The following RPS6KC1 variants were observed in gnomAD, a reference collection of about 807,000 sequenced individuals.
RPS6KC1 encodes inactive ribosomal protein S6 kinase delta-1.
In RPS6KC1, 54 loss-of-function variants were observed where a neutral mutation model predicts 103.8. The observed-to-expected ratio is 0.52, with a 90% CI of 0.42 to 0.65. RPS6KC1 has a LOEUF of 0.65. RPS6KC1 is among the 30% of genes least tolerant of loss of function. The pLI is 0.00. For synonymous variants in RPS6KC1, 439 were observed against 438.7 expected, an observed-to-expected ratio of 1.00 and a Z score of -0.01; for missense variants, 1,151 against 1,253.8, an observed-to-expected ratio of 0.92 and a Z score of 1.24.
the RPS6KC1 span, among the ~76,000 whole-genome samples, chr1:213,683,643 G>A: frequency 6.6e-6 from 1 of 152,120 alleles, no homozygotes; most frequent in Non-Finnish European, 1.5e-5. Flanking sequence ...AATCAGGGCT[G>A]GTCACACATG....
the RPS6KC1 span, among the ~76,000 whole-genome samples, chr1:213,363,615 TTGCTTGCTTGCTTTCTTTC>T: frequency 2.3e-5 from 2 of 85,418 alleles, no homozygotes; most frequent in South Asian, 9.9e-4. Flanking sequence ...GCTTGCTTGC[TTGCTTGCTTGCTTTCTTTC>T]TTTCTTTCTT....
At chr1:213,387,101 T>G in the RPS6KC1 span, among the ~76,000 whole-genome samples, 1 of 152,172 alleles carries the variant, frequency 6.6e-6, no homozygotes, top group African/African-American at 2.4e-5. Context: ...CACAAAGAGC[T>G]TTCAGCCCAG....
the RPS6KC1 span, among the ~76,000 whole-genome samples, chr1:213,404,904 A>G: frequency 6.6e-6 from 1 of 152,222 alleles, no homozygotes; most frequent in Non-Finnish European, 1.5e-5. Flanking sequence ...CTGTTTCAAC[A>G]AAAACCTCCA....
chr1:213,648,479 GTT>G, the RPS6KC1 span, among the ~76,000 whole-genome samples: 1 of 152,102 alleles, frequency 6.6e-6, no homozygotes, highest in Non-Finnish European at 1.5e-5. Context: ...CCAGTGTCAA[GTT>G]TCCTGGTGAC....
At chr1:213,179,055 T>C (rs1255547411) in intron 8 of RPS6KC1, among the ~76,000 whole-genome samples, 1 of 152,074 alleles carries the variant, frequency 6.6e-6, no homozygotes, top group South Asian at 2.1e-4. Context: ...AATATGTATT[T>C]GGGGAATTAA....
chr1:213,829,898 G>T, the RPS6KC1 span, among the ~76,000 whole-genome samples: 3 of 152,186 alleles, frequency 2.0e-5, no homozygotes, highest in African/African-American at 7.2e-5. Context: ...TTTAAAATGT[G>T]CCTATTAGGA....
chr1:213,462,074 GA>G, the RPS6KC1 span, among the ~76,000 whole-genome samples: 1 of 151,794 alleles, frequency 6.6e-6, no homozygotes, highest in South Asian at 2.1e-4. Flanking sequence ...CAATTTACAA[GA>G]AAAAACCCCA....
the RPS6KC1 span, among the ~76,000 whole-genome samples, chr1:213,318,935 T>C: frequency 6.6e-6 from 1 of 152,178 alleles, no homozygotes; most frequent in Non-Finnish European, 1.5e-5. Flanking sequence ...GTCTGCTTGC[T>C]AATTAGGGAG....
chr1:213,518,206 C>T, the RPS6KC1 span, among the ~76,000 whole-genome samples: 5 of 152,108 alleles, frequency 3.3e-5, no homozygotes, highest in Non-Finnish European at 7.4e-5. Flanking sequence ...TATGATGGCC[C>T]CCTAAAATAT....
At chr1:213,095,508 T>C (rs1313643708) in intron 3 of RPS6KC1, among the ~76,000 whole-genome samples, 1 of 152,180 alleles carries the variant, frequency 6.6e-6, no homozygotes, top group African/African-American at 2.4e-5. Context: ...TAGTGAGTAA[T>C]GAGCTTAGTT....
intron 2 of RPS6KC1, among the ~76,000 whole-genome samples, chr1:213,074,866 T>A (rs1246409435): frequency 7.3e-6 from 1 of 136,228 alleles, no homozygotes; most frequent in African/African-American, 2.7e-5. Context: ...TTTTTTTTTT[T>A]TTTTTTTACG....
intron 1 of RPS6KC1, 43 bp downstream of exon 1, chr1:213,051,552 C>T (rs764210997): frequency 2.8e-6 from 4 of 1,423,162 alleles, no homozygotes; most frequent in Admixed American, 1.8e-5. Flanking sequence ...GGATTGGGAC[C>T]TGAGGATCTG....
chr1:213,235,276 G>A (rs1442999567), intron 10 of RPS6KC1, among the ~76,000 whole-genome samples: 1 of 152,120 alleles, frequency 6.6e-6, no homozygotes, highest in Non-Finnish European at 1.5e-5. Flanking sequence ...AGTGCTTGCT[G>A]GGACACAGAC....
At chr1:213,501,706 G>A in the RPS6KC1 span, among the ~76,000 whole-genome samples, 1 of 146,750 alleles carries the variant, frequency 6.8e-6, no homozygotes, top group Non-Finnish European at 1.5e-5. Context: ...CTGCACCCCA[G>A]CCTGGGCTAC....
chr1:213,464,573 G>T, the RPS6KC1 span, among the ~76,000 whole-genome samples: 1 of 152,026 alleles, frequency 6.6e-6, no homozygotes, highest in African/African-American at 2.4e-5. Flanking sequence ...TAGTTTCTGA[G>T]TGTATCTTCA....
intron 12 of RPS6KC1, among the ~76,000 whole-genome samples, chr1:213,248,609 C>G (rs1201574832): frequency 6.6e-6 from 1 of 152,118 alleles, no homozygotes; most frequent in Non-Finnish European, 1.5e-5. Context: ...CAAGTCTTAC[C>G]TTGTCTAGGC....
intron 12 of RPS6KC1, among the ~76,000 whole-genome samples, chr1:213,257,738 C>T (rs1325877563): frequency 7.0e-6 from 1 of 142,490 alleles, no homozygotes; most frequent in Non-Finnish European, 1.5e-5. Context: ...ACATTCAAAA[C>T]TGATGGCTGA....
At chr1:213,440,461 C>A in the RPS6KC1 span, among the ~76,000 whole-genome samples, 4 of 152,008 alleles carry the variant, frequency 2.6e-5, no homozygotes, top group African/African-American at 9.7e-5. Context: ...TAGGTTTGAA[C>A]TGCAAAATGT....
the RPS6KC1 span, among the ~76,000 whole-genome samples, chr1:213,608,800 T>C: frequency 1.6e-4 from 25 of 152,242 alleles, no homozygotes; most frequent in Non-Finnish European, 3.2e-4. Flanking sequence ...CTAATTAATA[T>C]TGTATTTGTT....
Sources: gnomAD v4.1 joint callset for allele counts (sites outside exome capture counted in the v4.1 genomes callset) on GRCh38, gnomAD v4.1.1 for gene constraint, MANE v1.5 for transcripts, NCBI Gene and HGNC (gene_info 2026-07-23, HGNC 2026-07-21) for gene names.